The following SIPA1L1 variants were observed in gnomAD, a reference collection of about 807,000 sequenced individuals.
The protein encoded by SIPA1L1 is signal-induced proliferation-associated 1-like protein 1.
Under a neutral mutation model 162.7 loss-of-function variants are expected in SIPA1L1, and 26 were observed. The observed-to-expected ratio is 0.16, with a 90% CI of 0.12 to 0.22. SIPA1L1 has a LOEUF of 0.22. SIPA1L1 is among the 10% of genes least tolerant of loss of function. The pLI is 1.00. For synonymous variants in SIPA1L1, 829 were observed against 837.4 expected, an observed-to-expected ratio of 0.99 and a Z score of 0.17; for missense variants, 1,874 against 2,241.0, an observed-to-expected ratio of 0.84 and a Z score of 3.31.
At chr14:71,337,698 C>T (rs1428885039) in intron 2 of SIPA1L1, among the ~76,000 whole-genome samples, 2 of 152,150 alleles carry the variant, frequency 1.3e-5, no homozygotes, top group South Asian at 2.1e-4. Flanking sequence ...GGTGGGGACA[C>T]AGCCAAACCG....
chr14:71,451,650 A>G (rs2045834447), intron 2 of SIPA1L1, among the ~76,000 whole-genome samples: 1 of 151,628 alleles, frequency 6.6e-6, no homozygotes, highest in East Asian at 1.9e-4. Flanking sequence ...AAAAAAAAAA[A>G]AAGAAAAAAT....
chr14:71,501,110 C>G (rs938063989), intron 2 of SIPA1L1, among the ~76,000 whole-genome samples: 3 of 152,162 alleles, frequency 2.0e-5, no homozygotes, highest in African/African-American at 7.2e-5. Flanking sequence ...TGCTTCAGCT[C>G]AGGAGTTTGA....
intron 2 of SIPA1L1, among the ~76,000 whole-genome samples, chr14:71,388,578 C>G (rs988203063): frequency 7.2e-5 from 11 of 152,204 alleles, no homozygotes; most frequent in Non-Finnish European, 1.3e-4. Flanking sequence ...TTGGCCCACA[C>G]GTCACACGTG....
chr14:71,612,268 A>G (rs904036303), intron 5 of SIPA1L1, among the ~76,000 whole-genome samples: 6 of 152,196 alleles, frequency 3.9e-5, no homozygotes, highest in Admixed American at 6.5e-5. Context: ...TGCTTTCAAA[A>G]GCAGTTGATA....
At chr14:71,597,163 G>A (rs1257865211) in intron 5 of SIPA1L1, among the ~76,000 whole-genome samples, 1 of 151,616 alleles carries the variant, frequency 6.6e-6, no homozygotes, top group Non-Finnish European at 1.5e-5. Flanking sequence ...TTGTTTGTTT[G>A]TAGAGATGTG....
intron 8 of SIPA1L1, among the ~76,000 whole-genome samples, chr14:71,654,647 G>A (rs1266393965): frequency 6.6e-6 from 1 of 152,112 alleles, no homozygotes; most frequent in Non-Finnish European, 1.5e-5. Context: ...AGAAAGATTT[G>A]GAGGCAGATC....
intron 2 of SIPA1L1, among the ~76,000 whole-genome samples, chr14:71,324,069 T>C (rs986252624): frequency 6.6e-6 from 1 of 152,234 alleles, no homozygotes; most frequent in African/African-American, 2.4e-5. Flanking sequence ...CTTTCTGAAC[T>C]TTACTGTTGT....
chr14:71,494,682 T>C (rs2143014750), intron 2 of SIPA1L1, among the ~76,000 whole-genome samples: 1 of 152,086 alleles, frequency 6.6e-6, no homozygotes, highest in East Asian at 1.9e-4. Flanking sequence ...ACACGCAACC[T>C]CATCCAGCTA....
chr14:71,615,318 A>G (rs2038706663), intron 5 of SIPA1L1, among the ~76,000 whole-genome samples: 3 of 152,352 alleles, frequency 2.0e-5, no homozygotes, highest in African/African-American at 7.2e-5. Context: ...GTGACAGGTT[A>G]TGAGAACCTT....
At chr14:71,441,125 C>T (rs1442071035) in intron 2 of SIPA1L1, among the ~76,000 whole-genome samples, 2 of 152,062 alleles carry the variant, frequency 1.3e-5, no homozygotes, top group Non-Finnish European at 2.9e-5. Context: ...CATCTTGTTA[C>T]CTTGGTGAGT....
chr14:71,493,540 A>G (rs945546830), intron 2 of SIPA1L1, among the ~76,000 whole-genome samples: 1 of 152,230 alleles, frequency 6.6e-6, no homozygotes, highest in Non-Finnish European at 1.5e-5. Context: ...GGAGACTTTC[A>G]TTATGTTTCT....
At chr14:71,571,710 C>T (rs540240369) in intron 4 of SIPA1L1, among the ~76,000 whole-genome samples, 5 of 152,098 alleles carry the variant, frequency 3.3e-5, no homozygotes, top group Admixed American at 6.5e-5. Flanking sequence ...GGCACAATCT[C>T]GGCTCACTAC....
chr14:71,563,163 A>T, intron 4 of SIPA1L1, among the ~76,000 whole-genome samples: 1 of 152,158 alleles, frequency 6.6e-6, no homozygotes, highest in East Asian at 1.9e-4. Flanking sequence ...GTTTCAGTTG[A>T]TTTCTCTTTT....
In SIPA1L1 at chr14:71,467,867, AAAG is replaced by A. The variant is rs992460418; in HGVS notation, c.-464-44873_-464-44871del. ...CCCCATCTCTTAAAAAAAAAAAAAA[AAAG>A]AAAGAAAAAGTATTGGCTTCTATCA... On this transcript the variant is annotated intron_variant, in intron 2 of 23. Coordinates refer to ENST00000381232, the MANE Select transcript of SIPA1L1 (RefSeq NM_001386936.1). Among the ~76,000 whole-genome samples the A allele has an allele frequency of 4.6e-4, 70 of 151,720 alleles. No individual in the cohort carries two copies. In the Middle Eastern group the frequency reaches 0.01, roughly 22 times the overall value.
intron 4 of SIPA1L1, among the ~76,000 whole-genome samples, chr14:71,543,635 C>T (rs146257420): frequency 2.0e-4 from 30 of 149,672 alleles, no homozygotes; most frequent in African/African-American, 7.1e-4. Context: ...TTGCTATTTC[C>T]TGATGACTGA....
Position 71,514,058 on chromosome 14 carries a change from A to T in SIPA1L1, c.-362+1213A>T, listed in dbSNP as rs547066842. On this transcript the variant is annotated intron_variant, in intron 3 of 23. Coordinates refer to ENST00000381232, the MANE Select transcript of SIPA1L1 (RefSeq NM_001386936.1). Reference sequence around the variant, plus strand: ...TGAGGGGCATAAGGCAGAAGAAGAGACCGAGGCAAGTTTTAGAGCAGGAGT... The same window carrying T: ...TGAGGGGCATAAGGCAGAAGAAGAGTCCGAGGCAAGTTTTAGAGCAGGAGT... Among the ~76,000 whole-genome samples the T allele has an allele frequency of 2.6e-5, 4 of 152,174 alleles. No homozygotes were observed. In the South Asian group the frequency reaches 8.3e-4, roughly 32 times the overall value.
chr14:71,522,430 G>A (rs2052448578), intron 3 of SIPA1L1, among the ~76,000 whole-genome samples: 1 of 152,078 alleles, frequency 6.6e-6, no homozygotes, highest in Non-Finnish European at 1.5e-5. Context: ...GAAATGCTTG[G>A]GACCAGAAGT....
chr14:71,440,139 C>T (rs2044719808), intron 2 of SIPA1L1, among the ~76,000 whole-genome samples: 1 of 152,142 alleles, frequency 6.6e-6, no homozygotes, highest in Admixed American at 6.6e-5. Flanking sequence ...AATTTTCATG[C>T]CTCAGTCTCC....
intron 4 of SIPA1L1, among the ~76,000 whole-genome samples, chr14:71,544,101 A>ATGTATGTATATACACATATATGCACG (rs1332698218): frequency 1.2e-4 from 17 of 143,878 alleles, no homozygotes; most frequent in South Asian, 8.6e-4. Flanking sequence ...ACACACGCAC[A>ATGTATGTATATACACATATATGCACG]TGTATGTATA....
Sources: allele counts gnomAD v4.1 joint callset (sites outside exome capture counted in the v4.1 genomes callset), GRCh38; gene constraint gnomAD v4.1.1; transcripts MANE v1.5; gene names NCBI Gene and HGNC (gene_info 2026-07-23, HGNC 2026-07-21).